The following NUDT3 variants were observed in gnomAD, a reference collection of about 807,000 sequenced individuals.
NUDT3 encodes the protein nudix hydrolase 3.
Under a neutral mutation model 23.6 loss-of-function variants are expected in NUDT3, and 9 were observed. That is an observed-to-expected ratio of 0.38 (90% CI 0.23 to 0.66). The LOEUF (loss-of-function observed/expected upper bound fraction) is 0.66, where lower values mean the gene tolerates loss of function less well. NUDT3 is among the 30% of genes least tolerant of loss of function. The pLI is 0.52. For synonymous variants in NUDT3, 86 were observed against 82.6 expected, an observed-to-expected ratio of 1.04 and a Z score of -0.22; for missense variants, 172 against 218.5, an observed-to-expected ratio of 0.79 and a Z score of 1.34.
At chr6:34,385,283 T>C (rs1437560870) in intron 1 of NUDT3, among the ~76,000 whole-genome samples, 4 of 151,656 alleles carry the variant, frequency 2.6e-5, no homozygotes, top group Non-Finnish European at 4.4e-5. Flanking sequence ...TGAGACCTCA[T>C]CTCTACAAAA....
At chr6:34,366,348 C>T (rs1372620843) in intron 1 of NUDT3, among the ~76,000 whole-genome samples, 3 of 149,716 alleles carry the variant, frequency 2.0e-5, no homozygotes, top group African/African-American at 7.4e-5. Context: ...TGCACTCTAG[C>T]GTGGGTGACT....
At chr6:34,314,851 T>C (rs1168975765) in intron 2 of NUDT3, among the ~76,000 whole-genome samples, 1 of 152,158 alleles carries the variant, frequency 6.6e-6, no homozygotes, top group East Asian at 1.9e-4. Flanking sequence ...GAAGCAGATA[T>C]TATATCATGA....
At chr6:34,327,293 G>T (rs1283999658) in intron 2 of NUDT3, among the ~76,000 whole-genome samples, 1 of 152,032 alleles carries the variant, frequency 6.6e-6, no homozygotes, top group East Asian at 1.9e-4. Context: ...CACTTTGGGA[G>T]GCCGAGGCGG....
chr6:34,336,085 A>G (rs921921885), intron 2 of NUDT3, among the ~76,000 whole-genome samples: 1 of 152,124 alleles, frequency 6.6e-6, no homozygotes, highest in Non-Finnish European at 1.5e-5. Context: ...CCTGGCCAAC[A>G]TGATGAAACC....
Position 34,391,293 on chromosome 6 carries a change from T to C in NUDT3, c.99+971A>G, listed in dbSNP as rs142584517. Among the ~76,000 whole-genome samples, 948 of 152,282 alleles carry C rather than the reference T, an allele frequency of 6.2e-3. 11 individuals are homozygous for C. The highest frequency in any genetic ancestry group is 0.022 in the African/African-American group (897 of 41,546). On this transcript the variant is annotated intron_variant, in intron 1 of 4. Transcript: ENST00000607016. ...ACATATTGGATTTCACTGTCCTTCA[T>C]TGTTTCCAGTTTAACTGCCATTTTA... is the stretch of plus-strand genomic sequence containing the variant.
intron 2 of NUDT3, among the ~76,000 whole-genome samples, chr6:34,338,119 GCC>G (rs1292687196): frequency 6.6e-6 from 1 of 152,154 alleles, no homozygotes; most frequent in Non-Finnish European, 1.5e-5. Flanking sequence ...TTCAGGGTGT[GCC>G]TACACCCTTC....
At chr6:34,363,676 G>A (rs938531681) in intron 1 of NUDT3, among the ~76,000 whole-genome samples, 6 of 152,104 alleles carry the variant, frequency 3.9e-5, no homozygotes, top group African/African-American at 1.4e-4. Context: ...ACATTAAGGA[G>A]CCAGCCTTCT....
At chr6:34,317,491 G>C (rs769147145) in intron 2 of NUDT3, among the ~76,000 whole-genome samples, 1 of 151,970 alleles carries the variant, frequency 6.6e-6, no homozygotes, top group Non-Finnish European at 1.5e-5. Flanking sequence ...AATGAGCAAA[G>C]ACAACTCAGA....
At chr6:34,320,952 GATAAA>G (rs1763932958) in intron 2 of NUDT3, among the ~76,000 whole-genome samples, 1 of 152,142 alleles carries the variant, frequency 6.6e-6, no homozygotes. Context: ...TAAAAGCTTT[GATAAA>G]ATGTAGTGAC....
At position 34,342,011 on chromosome 6, in the gene NUDT3, T is replaced by G. The variant is rs370907037; in HGVS notation, c.100-39A>C. On this transcript the variant is annotated intron_variant, in intron 1 of 4. Coordinates refer to ENST00000607016, the MANE Select transcript of NUDT3 (RefSeq NM_006703.4). ...AAGGTTGCATGGGGGGGTTAAAAATTCAAAGACACATCCACACAAATTCAG... is the reference window on the plus strand; with the variant it reads ...AAGGTTGCATGGGGGGGTTAAAAATGCAAAGACACATCCACACAAATTCAG... The G allele has an allele frequency of 4.4e-6, 7 of 1,576,382 alleles. No homozygotes were observed. The East Asian group carries it at 9.0e-5, about 20-fold the overall frequency.
intron 1 of NUDT3, among the ~76,000 whole-genome samples, chr6:34,343,534 C>T (rs1764320405): frequency 1.4e-5 from 2 of 146,078 alleles, no homozygotes; most frequent in African/African-American, 5.0e-5. Context: ...GAGTGAGACC[C>T]CCATCTCAAA....
chr6:34,323,342 G>C (rs1763974573), intron 2 of NUDT3, among the ~76,000 whole-genome samples: 1 of 152,174 alleles, frequency 6.6e-6, no homozygotes, highest in Non-Finnish European at 1.5e-5. Flanking sequence ...CAAGGCATGT[G>C]TATCTCTTGA....
intron 2 of NUDT3, among the ~76,000 whole-genome samples, chr6:34,310,219 C>A (rs1478140775): frequency 6.6e-6 from 1 of 151,352 alleles, no homozygotes; most frequent in Non-Finnish European, 1.5e-5. Flanking sequence ...GGTGACAGAG[C>A]AAGACCCTGT....
Position 34,316,642 on chromosome 6 carries a change from G to A in NUDT3, c.211-20957C>T, listed in dbSNP as rs903934125. 2.2e-4 allele frequency among the ~76,000 whole-genome samples: 34 copies of A among 152,152 alleles called. 1 individual carries two copies. Among genetic ancestry groups the A allele is most frequent in the African/African-American group, 8.2e-4 (34 of 41,440 alleles). On this transcript the variant is annotated intron_variant, in intron 2 of 4. Coordinates refer to ENST00000607016, the MANE Select transcript of NUDT3 (RefSeq NM_006703.4). ...ACAGGATGAAGTCTCTCTCCTCCAGGTTTAATGTAAGATTGTATTTCCAAC... is the reference window on the plus strand; with the variant it reads ...ACAGGATGAAGTCTCTCTCCTCCAGATTTAATGTAAGATTGTATTTCCAAC...
intron 2 of NUDT3, among the ~76,000 whole-genome samples, chr6:34,322,444 T>A (rs1446438875): frequency 6.6e-6 from 1 of 151,138 alleles, no homozygotes; most frequent in Non-Finnish European, 1.5e-5. Flanking sequence ...TTAGCCAGGA[T>A]GGTCTTGATC....
At chr6:34,370,830 G>A (rs950101185) in intron 1 of NUDT3, among the ~76,000 whole-genome samples, 9 of 152,108 alleles carry the variant, frequency 5.9e-5, no homozygotes, top group Admixed American at 2.6e-4. Context: ...CTGGCCAGGC[G>A]CCGTGGCTCA....
At chr6:34,358,082 A>G (rs374416892) in intron 1 of NUDT3, among the ~76,000 whole-genome samples, 1 of 152,236 alleles carries the variant, frequency 6.6e-6, no homozygotes, top group East Asian at 1.9e-4. Context: ...CTATTGATTC[A>G]TTTGCCAATT....
chr6:34,347,712 T>C (rs1764396068), intron 1 of NUDT3, among the ~76,000 whole-genome samples: 1 of 152,108 alleles, frequency 6.6e-6, no homozygotes, highest in Non-Finnish European at 1.5e-5. Context: ...TACAAATTTT[T>C]AAAATATAAA....
At chr6:34,333,150 T>G (rs1021370006) in intron 2 of NUDT3, among the ~76,000 whole-genome samples, 4 of 152,080 alleles carry the variant, frequency 2.6e-5, no homozygotes, top group Non-Finnish European at 5.9e-5. Flanking sequence ...CTAAAAGGAT[T>G]TTGACCACAA....
Sources: gnomAD v4.1 joint callset for allele counts (sites outside exome capture counted in the v4.1 genomes callset) on GRCh38, gnomAD v4.1.1 for gene constraint, MANE v1.5 for transcripts, NCBI Gene and HGNC (gene_info 2026-07-23, HGNC 2026-07-21) for gene names.